The following TENM2 variants were observed in gnomAD, a reference collection of about 807,000 sequenced individuals.
TENM2 encodes teneurin transmembrane protein 2.
Under a neutral mutation model 245.2 loss-of-function variants are expected in TENM2, and 52 were observed. The ratio of observed to expected loss-of-function variants is 0.21; its 90% CI spans 0.17 to 0.27. The LOEUF is 0.27. TENM2 is among the 10% of genes least tolerant of loss of function. The pLI, the probability that TENM2 is intolerant of heterozygous loss-of-function variation, is 1.00. For synonymous variants in TENM2, 1,363 were observed against 1,438.9 expected (o/e 0.95, Z 1.19); for missense variants, 3,046 against 3,666.8 (o/e 0.83, Z 4.37).
chr5:167,284,656 T>A, upstream of TENM2: 2 of 599,562 alleles, frequency 3.3e-6, no homozygotes. Context: ...TGTGCAGGGC[T>A]GACCAAGGCT....
chr5:166,982,247 G>A, the TENM2 span, among the ~76,000 whole-genome samples: 2 of 152,098 alleles, frequency 1.3e-5, no homozygotes, highest in South Asian at 2.1e-4. Context: ...ACATTTGGCT[G>A]TATTGTTAGA....
At chr5:167,495,618 G>A (rs760879176) in intron 2 of TENM2, among the ~76,000 whole-genome samples, 3 of 152,048 alleles carry the variant, frequency 2.0e-5, no homozygotes, top group Admixed American at 1.3e-4. Context: ...CTATAGTGGT[G>A]TCTTGATTTC....
chr5:167,216,039 C>T, the TENM2 span, among the ~76,000 whole-genome samples: 18 of 152,294 alleles, frequency 1.2e-4, no homozygotes, highest in African/African-American at 4.3e-4. Flanking sequence ...AAAAGGCAAG[C>T]TTGTACTCAT....
At chr5:168,082,218 C>T (rs1343391250) in intron 7 of TENM2, among the ~76,000 whole-genome samples, 4 of 152,288 alleles carry the variant, frequency 2.6e-5, no homozygotes, top group South Asian at 2.1e-4. Context: ...TCCACTTGAT[C>T]GAATCAGCTA....
chr5:167,288,562 A>C (rs1160099206), intron 1 of TENM2, among the ~76,000 whole-genome samples: 1 of 151,490 alleles, frequency 6.6e-6, no homozygotes, highest in Non-Finnish European at 1.5e-5. Context: ...CCGTCTCAAA[A>C]AAAAAAAAAA....
intron 3 of TENM2, among the ~76,000 whole-genome samples, chr5:167,901,911 G>A (rs1434325579): frequency 1.3e-5 from 2 of 152,050 alleles, no homozygotes; most frequent in Admixed American, 6.5e-5. Flanking sequence ...AAGATCGCAG[G>A]CAATTAATCT....
chr5:167,056,236 C>T, the TENM2 span, among the ~76,000 whole-genome samples: 2 of 151,814 alleles, frequency 1.3e-5, no homozygotes, highest in South Asian at 2.1e-4. Flanking sequence ...ACATTTCTTA[C>T]AAGGCAGTTA....
chr5:167,526,360 G>GCACACA (rs72349867), intron 2 of TENM2, among the ~76,000 whole-genome samples: 16,081 of 144,056 alleles, frequency 0.11, 992 homozygotes, highest in South Asian at 0.28. Flanking sequence ...TTAAGAAATA[G>GCACACA]CACACACACA....
At position 167,481,542 on chromosome 5, in the gene TENM2, C is replaced by T. The variant is rs576826462; in HGVS notation, c.502+106069C>T. ...TAGCTGCAACAGAGACCATGTGTGACGCTCCCTGCTTGGCACACTATAAAT... is the reference window on the plus strand; with the variant it reads ...TAGCTGCAACAGAGACCATGTGTGATGCTCCCTGCTTGGCACACTATAAAT... On this transcript the variant is annotated intron_variant, in intron 2 of 28. Transcript: ENST00000518659. Among the ~76,000 whole-genome samples, 169 of 152,248 alleles carry T rather than the reference C, an allele frequency of 1.1e-3. 7 individuals carry two copies. In the South Asian group the frequency reaches 0.034, roughly 30 times the overall value.
intron 14 of TENM2, among the ~76,000 whole-genome samples, chr5:168,191,594 G>A (rs1312033606): frequency 6.6e-6 from 1 of 152,034 alleles, no homozygotes; most frequent in Non-Finnish European, 1.5e-5. Context: ...GGATGGTCCT[G>A]GCCCCTTTGC....
chr5:167,711,982 A>T (rs1363297226), intron 2 of TENM2, among the ~76,000 whole-genome samples: 1 of 152,186 alleles, frequency 6.6e-6, no homozygotes, highest in Non-Finnish European at 1.5e-5. Context: ...ACAAATTCAA[A>T]CTTATTTTTA....
At chr5:167,984,824 C>A (rs1230964220) in intron 4 of TENM2, among the ~76,000 whole-genome samples, 1 of 152,088 alleles carries the variant, frequency 6.6e-6, no homozygotes, top group Non-Finnish European at 1.5e-5. Flanking sequence ...TTCACCTCAT[C>A]CTCTATGCTT....
chr5:168,118,502 C>A lies in TENM2; in HGVS notation c.2008+16C>A. ...TGTGAGGAAGGTAAGCCCGCCGGCC[C>A]CGGGGCTAGGCAGCAGTGGAGGGAG... On this transcript the variant is annotated intron_variant, in intron 10 of 28. Coordinates refer to ENST00000518659, the Ensembl canonical transcript of TENM2. The A allele has an allele frequency of 6.7e-7, 1 of 1,499,912 alleles. No individual in the cohort carries two copies. The highest frequency in any genetic ancestry group is 9.0e-7 in the Non-Finnish European group (1 of 1,108,340). 92.9% of individuals were successfully genotyped at this position (1,499,912 alleles called of 1,614,324 possible).
chr5:167,533,922 C>T (rs1771685685), intron 2 of TENM2, among the ~76,000 whole-genome samples: 2 of 152,170 alleles, frequency 1.3e-5, no homozygotes, highest in Non-Finnish European at 1.5e-5. Flanking sequence ...GTTCAAACTC[C>T]TGTCACTTGT....
chr5:167,127,195 A>G, the TENM2 span, among the ~76,000 whole-genome samples: 2 of 152,192 alleles, frequency 1.3e-5, no homozygotes, highest in Admixed American at 6.5e-5. Context: ...CCAAATTTGT[A>G]ACTTCTATAA....
chr5:167,618,194 T>A (rs568432950), intron 2 of TENM2, among the ~76,000 whole-genome samples: 2 of 152,266 alleles, frequency 1.3e-5, no homozygotes, highest in South Asian at 4.1e-4. Flanking sequence ...AGGTATTCCC[T>A]CGCTTTAATT....
At chr5:167,973,006 C>G (rs1781909197) in intron 4 of TENM2, among the ~76,000 whole-genome samples, 1 of 152,170 alleles carries the variant, frequency 6.6e-6, no homozygotes, top group African/African-American at 2.4e-5. Flanking sequence ...TGTTGCCTTT[C>G]CTTTCTCATT....
intron 2 of TENM2, among the ~76,000 whole-genome samples, chr5:167,813,673 C>T (rs183303078): frequency 5.4e-4 from 82 of 152,250 alleles, no homozygotes; most frequent in Non-Finnish European, 9.6e-4. Flanking sequence ...AATCACAGTT[C>T]CAACCTCCCC....
chr5:168,103,837 G>A (rs182232707), intron 9 of TENM2, among the ~76,000 whole-genome samples: 166 of 152,202 alleles, frequency 1.1e-3, no homozygotes, highest in African/African-American at 3.9e-3. Flanking sequence ...AACAACTTTT[G>A]GGCTTAAGAA....
Sources: gnomAD v4.1 joint callset for allele counts (sites outside exome capture counted in the v4.1 genomes callset) on GRCh38, gnomAD v4.1.1 for gene constraint, MANE v1.5 for transcripts, NCBI Gene and HGNC (gene_info 2026-07-23, HGNC 2026-07-21) for gene names.